MAF: variants seen among roughly 807,000 people sequenced by gnomAD.
The protein encoded by MAF is MAF bZIP transcription factor.
MAF carries 10 observed loss-of-function variants against 22.0 expected under a neutral mutation model. That is an observed-to-expected ratio of 0.45 (90% CI 0.28 to 0.77). The LOEUF (loss-of-function observed/expected upper bound fraction) is 0.77. Among genes scored for constraint, MAF ranks in the 30% least tolerant of loss-of-function variants. The pLI, the probability that MAF is intolerant of heterozygous loss-of-function variation, is 0.12. For synonymous variants in MAF, 337 were observed against 255.8 expected (o/e 1.32, Z -3.03); for missense variants, 544 against 548.4 (o/e 0.99, Z 0.08).
the MAF span, among the ~76,000 whole-genome samples, chr16:79,556,998 T>A: frequency 7.5e-6 from 1 of 133,234 alleles, no homozygotes; most frequent in Non-Finnish European, 1.7e-5. Flanking sequence ...AAAAAAAAAA[T>A]CAAGAGACAG....
the MAF span, among the ~76,000 whole-genome samples, chr16:79,241,374 G>T: frequency 6.6e-6 from 1 of 152,116 alleles, no homozygotes; most frequent in African/African-American, 2.4e-5. Flanking sequence ...GAAAAACACA[G>T]CATGAGAACT....
the MAF span, among the ~76,000 whole-genome samples, chr16:79,539,480 T>C: frequency 2.6e-5 from 4 of 151,988 alleles, no homozygotes; most frequent in Non-Finnish European, 5.9e-5. Flanking sequence ...CTCCAGCCAG[T>C]GTGACAGAGC....
chr16:79,260,529 G>C, the MAF span, among the ~76,000 whole-genome samples: 2 of 134,234 alleles, frequency 1.5e-5, no homozygotes, highest in African/African-American at 5.4e-5. Context: ...TTTACCACTA[G>C]GATGGAAACA....
the MAF span, among the ~76,000 whole-genome samples, chr16:79,434,199 C>A: frequency 6.6e-6 from 1 of 152,126 alleles, no homozygotes; most frequent in Admixed American, 6.5e-5. Flanking sequence ...AATGCCAGGG[C>A]CAGAAGACTG....
chr16:79,576,154 T>C, the MAF span, among the ~76,000 whole-genome samples: 3 of 135,230 alleles, frequency 2.2e-5, no homozygotes, highest in African/African-American at 8.5e-5. Context: ...ATTAATAAAA[T>C]GAATACAAAG....
the MAF span, among the ~76,000 whole-genome samples, chr16:79,409,529 C>G: frequency 6.6e-6 from 1 of 152,236 alleles, no homozygotes. Flanking sequence ...CCCGTGTCTT[C>G]ACATAACAAC....
At chr16:79,278,460 T>A in the MAF span, among the ~76,000 whole-genome samples, 1 of 152,362 alleles carries the variant, frequency 6.6e-6, no homozygotes, top group African/African-American at 2.4e-5. Flanking sequence ...TTTTCCCTCC[T>A]GCAAATCCTC....
chr16:79,594,687 C>G, intron 1 of MAF, 134 bp from the exon 2 acceptor site: 5 of 1,483,992 alleles, frequency 3.4e-6, no homozygotes, highest in South Asian at 1.3e-5. Context: ...ATGGCACTTA[C>G]TCAGGATTTA....
chr16:79,298,841 G>C, the MAF span, among the ~76,000 whole-genome samples: 3 of 152,250 alleles, frequency 2.0e-5, no homozygotes, highest in African/African-American at 4.8e-5. Flanking sequence ...AGAGGTTATA[G>C]GCAGGGGAGC....
At chr16:79,561,414 C>G in the MAF span, among the ~76,000 whole-genome samples, 1,553 of 151,744 alleles carry the variant, frequency 0.01, 26 homozygotes, top group African/African-American at 0.036. Flanking sequence ...GTGCTGCACC[C>G]ATTAACTCGT....
At chr16:79,287,518 C>A in the MAF span, among the ~76,000 whole-genome samples, 2 of 152,228 alleles carry the variant, frequency 1.3e-5, no homozygotes, top group East Asian at 1.9e-4. Flanking sequence ...CCCCAAACCC[C>A]CAAACCCTGA....
At chr16:79,382,970 C>CAT in the MAF span, among the ~76,000 whole-genome samples, 10 of 152,298 alleles carry the variant, frequency 6.6e-5, no homozygotes, top group East Asian at 3.9e-4. Flanking sequence ...CATTCATTCA[C>CAT]TCATTCATCC....
chr16:79,235,938 A>G, the MAF span, among the ~76,000 whole-genome samples: 3 of 151,958 alleles, frequency 2.0e-5, no homozygotes, highest in Non-Finnish European at 2.9e-5. Context: ...CCCAGAATCC[A>G]GGGTGTCCTT....
the MAF span, among the ~76,000 whole-genome samples, chr16:79,323,789 G>C: frequency 6.6e-6 from 1 of 150,678 alleles, no homozygotes; most frequent in Admixed American, 6.6e-5. Context: ...AGGAAATAAC[G>C]AGGGGACCTG....
the MAF span, among the ~76,000 whole-genome samples, chr16:79,539,010 T>C: frequency 2.6e-5 from 4 of 151,872 alleles, no homozygotes; most frequent in Non-Finnish European, 5.9e-5. Context: ...AAAACGGCCA[T>C]AAATAAAAAT....
chr16:79,591,373 C>T (rs1052595696), downstream of MAF, among the ~76,000 whole-genome samples: 1 of 152,142 alleles, frequency 6.6e-6, no homozygotes, highest in Admixed American at 6.5e-5. Context: ...CTCCTTCATC[C>T]TCCTTTCTTG....
At chr16:79,409,524 G>A in the MAF span, among the ~76,000 whole-genome samples, 1 of 152,212 alleles carries the variant, frequency 6.6e-6, no homozygotes, top group Non-Finnish European at 1.5e-5. Context: ...AGGAGCCCGT[G>A]TCTTCACATA....
At chr16:79,405,164 G>A in the MAF span, among the ~76,000 whole-genome samples, 3 of 152,164 alleles carry the variant, frequency 2.0e-5, no homozygotes, top group South Asian at 2.1e-4. Context: ...TCAGCACTCT[G>A]AGGGATTTAT....
chr16:79,339,696 A>G, the MAF span, among the ~76,000 whole-genome samples: 43 of 152,372 alleles, frequency 2.8e-4, no homozygotes, highest in African/African-American at 1.0e-3. Context: ...TTAGTGTAAT[A>G]AACACCATAG....
Sources: allele counts gnomAD v4.1 joint callset (sites outside exome capture counted in the v4.1 genomes callset), GRCh38; gene constraint gnomAD v4.1.1; transcripts MANE v1.5; gene names NCBI Gene and HGNC (gene_info 2026-07-23, HGNC 2026-07-21).